The following AIG1 variants were observed in gnomAD, a reference collection of about 807,000 sequenced individuals.
The protein encoded by AIG1 is androgen-induced gene 1 protein.
In AIG1, 23 loss-of-function variants were observed where a neutral mutation model predicts 31.4. The ratio of observed to expected loss-of-function variants is 0.73; its 90% CI spans 0.53 to 1.04. The LOEUF is 1.04. Ranked by LOEUF, AIG1 falls within the 50% of genes least tolerant of loss-of-function variation. The pLI is 0.00. For synonymous variants in AIG1, 100 were observed against 110.5 expected, an observed-to-expected ratio of 0.90 and a Z score of 0.60; for missense variants, 274 against 295.0, an observed-to-expected ratio of 0.93 and a Z score of 0.52.
intron 3 of AIG1, among the ~76,000 whole-genome samples, chr6:143,180,713 C>A (rs1327748075): frequency 6.6e-6 from 1 of 152,056 alleles, no homozygotes; most frequent in Admixed American, 6.6e-5. Flanking sequence ...GATCTTTAAG[C>A]AGACAAGATC....
At chr6:143,096,595 G>A (rs1779821951) in intron 1 of AIG1, among the ~76,000 whole-genome samples, 1 of 152,176 alleles carries the variant, frequency 6.6e-6, no homozygotes, top group Non-Finnish European at 1.5e-5. Flanking sequence ...GATGAAGAGT[G>A]TTGTATTATT....
intron 3 of AIG1, among the ~76,000 whole-genome samples, chr6:143,260,785 C>A (rs1562533905): frequency 6.6e-6 from 1 of 152,302 alleles, no homozygotes; most frequent in East Asian, 1.9e-4. Flanking sequence ...CTAGTGAGTG[C>A]AAAGCTAGAA....
intron 1 of AIG1, among the ~76,000 whole-genome samples, chr6:143,069,363 TAGTTTTGATAGATGCAC>T (rs746002900): frequency 6.2e-4 from 94 of 152,260 alleles, no homozygotes; most frequent in South Asian, 2.5e-3. Context: ...GACAGATGCA[TAGTTTTGATAGATGCAC>T]AGTTTTGATA....
chr6:143,099,226 A>G (rs1209418093), intron 1 of AIG1, among the ~76,000 whole-genome samples: 3 of 152,196 alleles, frequency 2.0e-5, no homozygotes, highest in Non-Finnish European at 2.9e-5. Flanking sequence ...ATTTGCTGCT[A>G]CTACTGCAGA....
chr6:143,098,362 G>C (rs1779974406), intron 1 of AIG1, among the ~76,000 whole-genome samples: 1 of 152,128 alleles, frequency 6.6e-6, no homozygotes, highest in Non-Finnish European at 1.5e-5. Flanking sequence ...TTAAAACTTG[G>C]ATTCTGGGAA....
chr6:143,081,569 G>C lies in AIG1; in HGVS notation c.141+20503G>C, dbSNP rs968327705. The stretch of plus-strand genomic sequence containing the variant: ...TTCTCCTGAAGGAGCTTGGCAATAA[G>C]GCAGGGGATTATTTCTTTGGCACAC... On this transcript the variant is annotated intron_variant, in intron 1 of 5. Coordinates refer to ENST00000357847, the MANE Select transcript of AIG1 (RefSeq NM_016108.4). 2.6e-5 allele frequency among the ~76,000 whole-genome samples: 4 copies of C among 151,644 alleles called. No individual in the cohort carries two copies. In the East Asian group the frequency reaches 7.7e-4, roughly 29 times the overall value.
chr6:143,237,408 C>G (rs1015247319), intron 3 of AIG1, among the ~76,000 whole-genome samples: 2 of 152,172 alleles, frequency 1.3e-5, no homozygotes, highest in Non-Finnish European at 2.9e-5. Flanking sequence ...ATTTAATAAA[C>G]CTTTATAAGG....
Position 143,178,506 on chromosome 6 carries a change from C to T in AIG1, c.399+13323C>T, listed in dbSNP as rs367805732. Among the ~76,000 whole-genome samples, 100 of 152,312 alleles carry T rather than the reference C, an allele frequency of 6.6e-4. 1 individual carries two copies. In the South Asian group the frequency reaches 0.02, roughly 30 times the overall value. ...TCCTCTTATTAGGACTACAGGCATCCAGCATGGAAATGTGGACTGCTGGGG... is the reference window on the plus strand; with the variant it reads ...TCCTCTTATTAGGACTACAGGCATCTAGCATGGAAATGTGGACTGCTGGGG... On this transcript the variant is annotated intron_variant, in intron 3 of 5. Transcript: ENST00000357847.
chr6:143,089,527 G>T (rs1779112212), intron 1 of AIG1, among the ~76,000 whole-genome samples: 3 of 152,158 alleles, frequency 2.0e-5, no homozygotes, highest in South Asian at 2.1e-4. Flanking sequence ...ATGAGATAAT[G>T]TATTTTTCTT....
chr6:143,250,109 T>C (rs1218560461), intron 3 of AIG1, among the ~76,000 whole-genome samples: 1 of 152,246 alleles, frequency 6.6e-6, no homozygotes, highest in Non-Finnish European at 1.5e-5. Flanking sequence ...TCCCTGCTGG[T>C]TGAGCCCAGG....
In AIG1 at chr6:143,328,383, A is replaced by G. The variant is rs1031683668; in HGVS notation, c.516-4899A>G. On this transcript the variant is annotated intron_variant, in intron 4 of 5. Transcript: ENST00000357847. The surrounding 1 kb of genome is among the most constrained non-coding windows in gnomAD (Gnocchi z 4.0). ...AGGCATCTGAACATATTCATCAGCTATGAAAAACATTGGTTTGAAAGAAAG... is the reference window on the plus strand; with the variant it reads ...AGGCATCTGAACATATTCATCAGCTGTGAAAAACATTGGTTTGAAAGAAAG... Among the ~76,000 whole-genome samples the G allele has an allele frequency of 1.3e-5, 2 of 152,230 alleles. No individual in the cohort carries two copies. Among genetic ancestry groups the G allele is most frequent in the Admixed American group, 6.5e-5 (1 of 15,280 alleles).
rs1195530345 is a variant in AIG1 at position 143,331,464 on chromosome 6, A to G, written c.516-1818A>G. Among the ~76,000 whole-genome samples, 4 of 152,052 alleles carry G rather than the reference A, an allele frequency of 2.6e-5. No homozygotes were observed. Among genetic ancestry groups the G allele is most frequent in the South Asian group, 4.1e-4 (2 of 4,820 alleles). On this transcript the variant is annotated intron_variant, in intron 4 of 5. Coordinates refer to ENST00000357847, the MANE Select transcript of AIG1 (RefSeq NM_016108.4). This position sits in a 1 kb window ranked among gnomAD's most constrained non-coding sequence, Gnocchi z 4.1. ...TAAGTGGAATCATATACAATATGTG[A>G]CCTGTGTCTGGCTTATTTTGCTTAG...
chr6:143,126,730 A>T (rs1782715265), intron 1 of AIG1, among the ~76,000 whole-genome samples: 4 of 152,186 alleles, frequency 2.6e-5, no homozygotes. Context: ...ATGATATGTG[A>T]CTGTAGGTGA....
Position 143,340,708 on chromosome 6 carries a change from C to T in AIG1, c.*1032C>T, listed in dbSNP as rs573169630. On this transcript the variant is annotated 3_prime_UTR_variant, in exon 6 of 6. Coordinates refer to ENST00000357847, the MANE Select transcript of AIG1 (RefSeq NM_016108.4). ...CGATCTCCTGACCTTGTGATCCACA[C>T]GCCTCGGCCTCCCAAAGTGCTGGGA... 4.1e-4 allele frequency among the ~76,000 whole-genome samples: 63 copies of T among 152,208 alleles called. No individual in the cohort carries two copies. The highest frequency in any genetic ancestry group is 1.3e-3 in the African/African-American group (53 of 41,560).
At chr6:143,070,850 C>T (rs755586024) in intron 1 of AIG1, among the ~76,000 whole-genome samples, 3 of 152,192 alleles carry the variant, frequency 2.0e-5, no homozygotes, top group Non-Finnish European at 4.4e-5. Context: ...AAACATTCAA[C>T]GGCAGTGACC....
intron 3 of AIG1, among the ~76,000 whole-genome samples, chr6:143,206,861 G>A (rs769354834): frequency 3.9e-5 from 6 of 152,258 alleles, no homozygotes; most frequent in Non-Finnish European, 8.8e-5. Context: ...ACTTAAATGA[G>A]CTAGGCCAGT....
intron 1 of AIG1, among the ~76,000 whole-genome samples, chr6:143,130,089 C>G: frequency 6.6e-6 from 1 of 151,826 alleles, no homozygotes; most frequent in Non-Finnish European, 1.5e-5. Flanking sequence ...CACCACCATG[C>G]CCAGCTAATT....
intron 2 of AIG1, among the ~76,000 whole-genome samples, chr6:143,151,533 C>G (rs369027350): frequency 6.6e-6 from 1 of 152,070 alleles, no homozygotes; most frequent in Admixed American, 6.5e-5. Context: ...CTCTCCTAGC[C>G]CCATAGCAAT....
intron 1 of AIG1, among the ~76,000 whole-genome samples, chr6:143,065,537 T>G (rs1234681136): frequency 6.6e-6 from 1 of 152,062 alleles, no homozygotes; most frequent in Non-Finnish European, 1.5e-5. Flanking sequence ...CAAAAGATAA[T>G]AAAGAAGAAT....
Sources: allele counts gnomAD v4.1 joint callset (sites outside exome capture counted in the v4.1 genomes callset), GRCh38; gene constraint gnomAD v4.1.1; non-coding constraint Gnocchi (gnomAD v3.1); transcripts MANE v1.5; gene names NCBI Gene and HGNC (gene_info 2026-07-23, HGNC 2026-07-21).